Variants in ADGRB3 observed in about 807,000 individuals in gnomAD.
The protein encoded by ADGRB3 is brain-specific angiogenesis inhibitor 3.
ADGRB3 carries 37 observed loss-of-function variants against 193.4 expected under a neutral mutation model. That is an observed-to-expected ratio of 0.19 (90% CI 0.15 to 0.25). The LOEUF is 0.25. Among genes scored for constraint, ADGRB3 ranks in the 10% least tolerant of loss-of-function variants. The pLI is 1.00. For synonymous variants in ADGRB3, 690 were observed against 644.2 expected (o/e 1.07, Z -1.08); for missense variants, 1,637 against 1,852.9 (o/e 0.88, Z 2.14).
chr6:69,123,842 G>A (rs62406785), intron 17 of ADGRB3, among the ~76,000 whole-genome samples: 17,908 of 152,140 alleles, frequency 0.12, 1,120 homozygotes, highest in African/African-American at 0.13. Context: ...TTTAAGAGAT[G>A]AGGACAGTAA....
At chr6:69,197,351 A>T (rs1765322685) in intron 17 of ADGRB3, among the ~76,000 whole-genome samples, 1 of 152,064 alleles carries the variant, frequency 6.6e-6, no homozygotes, top group South Asian at 2.1e-4. Flanking sequence ...TGTGTATTAT[A>T]GTAACAGGAT....
intron 17 of ADGRB3, among the ~76,000 whole-genome samples, chr6:69,103,228 G>T (rs2150322527): frequency 6.6e-6 from 1 of 152,222 alleles, no homozygotes; most frequent in East Asian, 1.9e-4. Flanking sequence ...AATGTTTCTG[G>T]TGTACTGAAA....
intron 3 of ADGRB3, among the ~76,000 whole-genome samples, chr6:68,758,223 GA>G (rs1362851274): frequency 2.3e-4 from 35 of 151,964 alleles, no homozygotes; most frequent in Non-Finnish European, 3.2e-4. Flanking sequence ...TACATATGAA[GA>G]GCTCAATAAA....
intron 3 of ADGRB3, among the ~76,000 whole-genome samples, chr6:68,824,307 C>T (rs1767801558): frequency 6.6e-6 from 1 of 151,634 alleles, no homozygotes; most frequent in South Asian, 2.1e-4. Flanking sequence ...AGATCTAATC[C>T]ACTGTTTTTA....
rs1294290508 is a variant in ADGRB3, at chr6:68,822,275, G to C, written c.758-108284G>C. Among the ~76,000 whole-genome samples the C allele has an allele frequency of 4.6e-5, 7 of 151,820 alleles. No individual in the cohort carries two copies. The South Asian group carries it at 6.2e-4, about 14-fold the overall frequency. ...GCAATCCCATAACTCCAAAAGTGAA[G>C]AATAATAAAATTATTGAGAAGGCCT... is the stretch of plus-strand genomic sequence containing the variant. On this transcript the variant is annotated intron_variant, in intron 3 of 31. Transcript: ENST00000370598.
chr6:68,703,934 T>C (rs1765284718), intron 3 of ADGRB3, among the ~76,000 whole-genome samples: 1 of 152,110 alleles, frequency 6.6e-6, no homozygotes, highest in African/African-American at 2.4e-5. Context: ...TTAAAATTAG[T>C]ATATTGTCAT....
intron 3 of ADGRB3, among the ~76,000 whole-genome samples, chr6:68,832,156 A>C (rs1767968364): frequency 6.6e-6 from 1 of 152,204 alleles, no homozygotes; most frequent in African/African-American, 2.4e-5. Context: ...GACAAAATTA[A>C]TATAAAACTC....
At chr6:69,166,911 ATCT>A (rs1234224088) in intron 17 of ADGRB3, among the ~76,000 whole-genome samples, 1 of 152,092 alleles carries the variant, frequency 6.6e-6, no homozygotes, top group Non-Finnish European at 1.5e-5. Context: ...TCTGTCACTG[ATCT>A]TTTTTTAATC....
intron 3 of ADGRB3, among the ~76,000 whole-genome samples, chr6:68,831,624 G>C (rs1307132086): frequency 6.6e-6 from 1 of 152,074 alleles, no homozygotes; most frequent in African/African-American, 2.4e-5. Flanking sequence ...TGGAACCTTA[G>C]GAAACTCATC....
intron 17 of ADGRB3, among the ~76,000 whole-genome samples, chr6:69,128,203 C>A (rs1291618462): frequency 6.6e-6 from 1 of 152,180 alleles, no homozygotes; most frequent in African/African-American, 2.4e-5. Context: ...CTTATGTTCA[C>A]TGTCACCTGT....
At position 69,261,564 on chromosome 6, in the gene ADGRB3, CT is replaced by C. The variant is rs527633869; in HGVS notation, c.2814+22345del. On this transcript the variant is annotated intron_variant, in intron 20 of 31. Transcript: ENST00000370598. ...AGTGTTTGATATGACATTTTTTATA[CT>C]TTTTTTCAAAAACATTATAAAATAA... Among the ~76,000 whole-genome samples, 8 of 151,974 alleles carry C rather than the reference CT, an allele frequency of 5.3e-5. 1 individual carries two copies. The highest frequency in any genetic ancestry group is 7.2e-5 in the African/African-American group (3 of 41,510).
At chr6:68,904,068 A>AGGGCTGG (rs1439445283) in intron 3 of ADGRB3, among the ~76,000 whole-genome samples, 1 of 117,732 alleles carries the variant, frequency 8.5e-6, no homozygotes, top group Non-Finnish European at 1.7e-5. Flanking sequence ...GGAAGGAGGG[A>AGGGCTGG]AGGAGGGAGG....
intron 3 of ADGRB3, among the ~76,000 whole-genome samples, chr6:68,760,398 A>T (rs1766375410): frequency 6.6e-6 from 1 of 152,210 alleles, no homozygotes; most frequent in Non-Finnish European, 1.5e-5. Context: ...ATTAAAAACT[A>T]ATTAGAAATG....
intron 3 of ADGRB3, among the ~76,000 whole-genome samples, chr6:68,765,883 A>G (rs1286519206): frequency 6.6e-6 from 1 of 151,976 alleles, no homozygotes; most frequent in East Asian, 1.9e-4. Context: ...TTCTTGGTCA[A>G]TTTTGGTAAG....
chr6:69,387,895 C>A (rs889615707), intron 31 of ADGRB3, among the ~76,000 whole-genome samples: 1 of 151,874 alleles, frequency 6.6e-6, no homozygotes, highest in African/African-American at 2.4e-5. Flanking sequence ...AATATTCTCA[C>A]TAAACATGAC....
At chr6:68,950,046 A>G (rs1301495552) in intron 6 of ADGRB3, among the ~76,000 whole-genome samples, 1 of 151,978 alleles carries the variant, frequency 6.6e-6, no homozygotes, top group African/African-American at 2.4e-5. Context: ...CATATGCCCA[A>G]AGCAAGAGGT....
intron 3 of ADGRB3, among the ~76,000 whole-genome samples, chr6:68,863,643 C>T (rs1425198535): frequency 4.6e-5 from 7 of 152,094 alleles, no homozygotes; most frequent in Non-Finnish European, 7.4e-5. Flanking sequence ...GATGAATACA[C>T]TTAAAAATAT....
chr6:69,283,045 A>G (rs1767469093), intron 20 of ADGRB3, among the ~76,000 whole-genome samples: 1 of 152,190 alleles, frequency 6.6e-6, no homozygotes, highest in African/African-American at 2.4e-5. Context: ...TGCAAAGGAA[A>G]AAACCCAAAG....
rs550107544 is a variant in ADGRB3, at chr6:68,672,775, T to C, written c.757+33343T>C. Among the ~76,000 whole-genome samples, 4 of 152,192 alleles carry C rather than the reference T, an allele frequency of 2.6e-5. No individual in the cohort carries two copies. The South Asian group carries it at 8.3e-4, about 32-fold the overall frequency. On this transcript the variant is annotated intron_variant, in intron 3 of 31. Coordinates refer to ENST00000370598, the MANE Select transcript of ADGRB3 (RefSeq NM_001704.3). ...AAGGTATTTTTTTAAATGTAATTAA[T>C]ATTTAAGTTAGTAGACTTTCATTAA...
Sources: gnomAD v4.1 joint callset for allele counts (sites outside exome capture counted in the v4.1 genomes callset) on GRCh38, gnomAD v4.1.1 for gene constraint, MANE v1.5 for transcripts, NCBI Gene and HGNC (gene_info 2026-07-23, HGNC 2026-07-21) for gene names.